Variants in SNX29 observed in about 807,000 individuals in gnomAD.
SNX29 encodes sorting nexin-29.
A neutral mutation model predicts 102.1 loss-of-function variants in SNX29; 78 were observed. The ratio of observed to expected loss-of-function variants is 0.76; its 90% CI spans 0.64 to 0.92. The LOEUF is 0.92. Among genes scored for constraint, SNX29 ranks in the 40% least tolerant of loss-of-function variants. The probability of loss-of-function intolerance (pLI) is 0.00; values close to 1 mark genes in which losing one functional copy is unlikely to be tolerated. For synonymous variants in SNX29, 580 were observed against 414.5 expected, an observed-to-expected ratio of 1.40 and a Z score of -4.85; for missense variants, 1,280 against 1,061.7, an observed-to-expected ratio of 1.21 and a Z score of -2.86.
At chr16:12,314,130 G>C (rs1438777475) in intron 15 of SNX29, among the ~76,000 whole-genome samples, 1 of 152,214 alleles carries the variant, frequency 6.6e-6, no homozygotes, top group Non-Finnish European at 1.5e-5. Context: ...GGAGGTCACA[G>C]GTGCATGCCA....
chr16:12,427,825 A>G (rs1445242867), intron 18 of SNX29, among the ~76,000 whole-genome samples: 3 of 152,226 alleles, frequency 2.0e-5, no homozygotes, highest in African/African-American at 4.8e-5. Context: ...ATGACTGGGA[A>G]GATGCCAGCT....
chr16:12,280,920 T>C (rs2079409854), intron 15 of SNX29, among the ~76,000 whole-genome samples: 1 of 152,172 alleles, frequency 6.6e-6, no homozygotes, highest in South Asian at 2.1e-4. Context: ...TATTTAGTTA[T>C]TTATGGAGAC....
intron 18 of SNX29, among the ~76,000 whole-genome samples, chr16:12,450,318 A>T (rs924301467): frequency 5.3e-5 from 8 of 152,134 alleles, no homozygotes; most frequent in Non-Finnish European, 1.0e-4. Flanking sequence ...AGGGCTCTTG[A>T]GTGGTGGGGC....
At chr16:11,981,563 G>C (rs1045591630) in intron 1 of SNX29, among the ~76,000 whole-genome samples, 3 of 152,126 alleles carry the variant, frequency 2.0e-5, no homozygotes, top group African/African-American at 7.2e-5. Flanking sequence ...GCATCCTTTT[G>C]GTGTGGCATA....
chr16:12,036,058 T>A (rs1186290487), intron 4 of SNX29, among the ~76,000 whole-genome samples: 3 of 152,076 alleles, frequency 2.0e-5, no homozygotes, highest in East Asian at 3.9e-4. Context: ...GGATTTTCTT[T>A]GTGTGTGGGT....
In SNX29 at chr16:12,568,503, C is replaced by T. The variant is rs769181347; in HGVS notation, c.2319-3C>T. 2.5e-6 allele frequency: 4 copies of T among 1,609,688 alleles called. No individual in the cohort carries two copies. Among genetic ancestry groups the T allele is most frequent in the African/African-American group, 1.3e-5 (1 of 75,040 alleles). On this transcript the variant is annotated splice_polypyrimidine_tract_variant and splice_region_variant and intron_variant, in intron 20 of 20. Transcript: ENST00000566228. ...TAACCCGATTCTCTCCCTGCTCTTT[C>T]AGCGACATCACCCCGCCCGGAGAGC... is the stretch of plus-strand genomic sequence containing the variant.
intron 20 of SNX29, among the ~76,000 whole-genome samples, chr16:12,560,200 G>C (rs992323914): frequency 7.4e-6 from 1 of 135,206 alleles, no homozygotes; most frequent in African/African-American, 2.9e-5. Flanking sequence ...ACTTGTGCTT[G>C]TAGAAGAGCA....
At chr16:12,255,107 A>T (rs918091051) in intron 14 of SNX29, among the ~76,000 whole-genome samples, 1 of 152,228 alleles carries the variant, frequency 6.6e-6, no homozygotes, top group Non-Finnish European at 1.5e-5. Flanking sequence ...AATCAAGTTA[A>T]TAAACATATT....
intron 8 of SNX29, among the ~76,000 whole-genome samples, chr16:12,060,382 A>C (rs954977297): frequency 1.3e-5 from 2 of 152,178 alleles, no homozygotes; most frequent in African/African-American, 4.8e-5. Context: ...GCTTGAGGCT[A>C]GGATTTTGAG....
chr16:12,023,985 C>G (rs1160597573), intron 3 of SNX29, among the ~76,000 whole-genome samples: 1 of 152,190 alleles, frequency 6.6e-6, no homozygotes, highest in Non-Finnish European at 1.5e-5. Flanking sequence ...AGGCATGGTG[C>G]TAAGTGCACG....
intron 15 of SNX29, among the ~76,000 whole-genome samples, chr16:12,301,661 A>T (rs776042061): frequency 9.2e-5 from 14 of 152,208 alleles, no homozygotes; most frequent in Non-Finnish European, 1.8e-4. Context: ...TCTAGAATGT[A>T]ACTTCCAGGA....
At chr16:12,369,684 A>C (rs1225332998) in intron 16 of SNX29, among the ~76,000 whole-genome samples, 1 of 152,196 alleles carries the variant, frequency 6.6e-6, no homozygotes, top group African/African-American at 2.4e-5. Flanking sequence ...CTAGATACTA[A>C]GTTAATTTGT....
At chr16:12,478,796 C>G (rs2087774576) in intron 19 of SNX29, among the ~76,000 whole-genome samples, 1 of 152,180 alleles carries the variant, frequency 6.6e-6, no homozygotes, top group Non-Finnish European at 1.5e-5. Flanking sequence ...CATCCCCATT[C>G]TGATTGAATC....
intron 9 of SNX29, among the ~76,000 whole-genome samples, chr16:12,067,235 G>A (rs891619563): frequency 1.3e-5 from 2 of 152,070 alleles, no homozygotes; most frequent in Admixed American, 6.6e-5. Flanking sequence ...TTTGGAGTCA[G>A]TAAATAACTT....
chr16:12,558,209 A>AC (rs1432472835), intron 20 of SNX29, among the ~76,000 whole-genome samples: 1 of 123,398 alleles, frequency 8.1e-6, no homozygotes, highest in African/African-American at 3.2e-5. Flanking sequence ...CTCCAGCAGA[A>AC]CCATCACAGA....
chr16:12,477,917 ATTC>A (rs1249491600), intron 19 of SNX29, 58 bp downstream of exon 19: 47 of 1,519,546 alleles, frequency 3.1e-5, no homozygotes, highest in African/African-American at 5.6e-5. Flanking sequence ...TGGATTATTT[ATTC>A]TTCTTCTTTA....
intron 14 of SNX29, among the ~76,000 whole-genome samples, chr16:12,209,567 C>T (rs1372347680): frequency 6.6e-6 from 1 of 152,156 alleles, no homozygotes; most frequent in Non-Finnish European, 1.5e-5. Flanking sequence ...CTGTTTGGAC[C>T]AGATCCTGGT....
chr16:12,034,406 G>C (rs2057418829), intron 4 of SNX29, among the ~76,000 whole-genome samples: 1 of 152,188 alleles, frequency 6.6e-6, no homozygotes, highest in African/African-American at 2.4e-5. Flanking sequence ...TCTGCTAAAG[G>C]TGCAGAGAAA....
intron 19 of SNX29, among the ~76,000 whole-genome samples, chr16:12,510,314 G>A (rs1217348108): frequency 6.6e-6 from 1 of 152,206 alleles, no homozygotes; most frequent in Admixed American, 6.5e-5. Context: ...GGGATGAGGT[G>A]GACCGTGGAG....
Sources: gnomAD v4.1 joint callset for allele counts (sites outside exome capture counted in the v4.1 genomes callset) on GRCh38, gnomAD v4.1.1 for gene constraint, MANE v1.5 for transcripts, NCBI Gene and HGNC (gene_info 2026-07-23, HGNC 2026-07-21) for gene names.